The following PRKG1 variants were observed in gnomAD, a reference collection of about 807,000 sequenced individuals.
PRKG1 encodes the protein protein kinase cGMP-dependent 1, also known as cGMP-dependent protein kinase 1.
In PRKG1, 35 loss-of-function variants were observed where a neutral mutation model predicts 88.1. The observed-to-expected ratio is 0.40, with a 90% CI of 0.30 to 0.53. PRKG1 has a LOEUF of 0.53. Ranked by LOEUF, PRKG1 falls within the 20% of genes least tolerant of loss-of-function variation. The pLI, the probability that PRKG1 is intolerant of heterozygous loss-of-function variation, is 0.59. For missense variants in PRKG1, 540 were observed against 839.8 expected (o/e 0.64, Z 4.41); for synonymous variants, 303 against 292.5 (o/e 1.04, Z -0.37).
intron 3 of PRKG1, among the ~76,000 whole-genome samples, chr10:51,771,701 C>G (rs577737237): frequency 6.6e-6 from 1 of 152,062 alleles, no homozygotes; most frequent in Non-Finnish European, 1.5e-5. Flanking sequence ...GTGTATAGGG[C>G]AGTAAGAGGA....
chr10:51,536,468 T>C (rs775696907), intron 3 of PRKG1, among the ~76,000 whole-genome samples: 3 of 152,152 alleles, frequency 2.0e-5, no homozygotes, highest in Non-Finnish European at 2.9e-5. Context: ...CAAATATATT[T>C]TCCCATTCTG....
chr10:51,481,254 TTCTG>T (rs1363339114), intron 3 of PRKG1, among the ~76,000 whole-genome samples: 4 of 144,100 alleles, frequency 2.8e-5, no homozygotes, highest in African/African-American at 1.0e-4. Flanking sequence ...CTCTGTCTCT[TTCTG>T]TCTTTCTTTC....
chr10:51,655,725 C>G (rs987335012), intron 3 of PRKG1, among the ~76,000 whole-genome samples: 22 of 152,128 alleles, frequency 1.4e-4, no homozygotes, highest in Non-Finnish European at 3.1e-4. Context: ...CTTTCAACTA[C>G]TTAGTGATAA....
chr10:51,294,137 A>G (rs10996627), intron 2 of PRKG1, among the ~76,000 whole-genome samples: 36,237 of 151,874 alleles, frequency 0.24, 4,363 homozygotes, highest in Admixed American at 0.37. Flanking sequence ...TCAGGTATAT[A>G]GATTGCCAAT....
chr10:51,304,666 A>G (rs1840987340), intron 2 of PRKG1, among the ~76,000 whole-genome samples: 1 of 118,410 alleles, frequency 8.4e-6, no homozygotes, highest in Admixed American at 1.2e-4. Context: ...CCAGAGTGTG[A>G]TGTTCCCCTT....
chr10:51,283,808 C>G (rs186451412), intron 2 of PRKG1, among the ~76,000 whole-genome samples: 1 of 152,276 alleles, frequency 6.6e-6, no homozygotes, highest in Admixed American at 6.5e-5. Flanking sequence ...ATTTACCACA[C>G]TCTGTTATGA....
chr10:51,316,984 A>G (rs540818725), intron 2 of PRKG1, among the ~76,000 whole-genome samples: 1 of 152,246 alleles, frequency 6.6e-6, no homozygotes, highest in South Asian at 2.1e-4. Context: ...CTTCCCACAC[A>G]CAATCTGCAG....
chr10:51,874,385 A>G (rs1564687525), intron 4 of PRKG1, among the ~76,000 whole-genome samples: 1 of 152,258 alleles, frequency 6.6e-6, no homozygotes, highest in Non-Finnish European at 1.5e-5. Context: ...ACAAGAGAGC[A>G]TGAAAGCCGA....
At chr10:52,217,451 G>A (rs919452101) in intron 9 of PRKG1, among the ~76,000 whole-genome samples, 1 of 151,804 alleles carries the variant, frequency 6.6e-6, no homozygotes, top group Admixed American at 6.6e-5. Flanking sequence ...TCATAGTCTA[G>A]GAACTAAAGC....
chr10:51,224,419 T>C (rs1838634650), intron 2 of PRKG1, among the ~76,000 whole-genome samples: 1 of 152,256 alleles, frequency 6.6e-6, no homozygotes, highest in Non-Finnish European at 1.5e-5. Flanking sequence ...TGTCATTGTC[T>C]AGCAATGAAT....
At chr10:51,901,205 A>G (rs1841971951) in intron 4 of PRKG1, among the ~76,000 whole-genome samples, 1 of 152,186 alleles carries the variant, frequency 6.6e-6, no homozygotes, top group Admixed American at 6.5e-5. Flanking sequence ...AAGTTATTCA[A>G]CACTGAATAG....
intron 10 of PRKG1, among the ~76,000 whole-genome samples, chr10:52,267,085 A>G (rs1436108609): frequency 6.6e-6 from 1 of 152,070 alleles, no homozygotes; most frequent in Non-Finnish European, 1.5e-5. Context: ...TTAAATGGAC[A>G]CAAGTGGACT....
chr10:51,654,358 G>A (rs1384489772), intron 3 of PRKG1, among the ~76,000 whole-genome samples: 1 of 152,056 alleles, frequency 6.6e-6, no homozygotes, highest in Non-Finnish European at 1.5e-5. Context: ...TTAGTTCTGA[G>A]CTCTCGATTC....
At chr10:52,014,708 C>A (rs1844990598) in intron 5 of PRKG1, among the ~76,000 whole-genome samples, 1 of 152,206 alleles carries the variant, frequency 6.6e-6, no homozygotes, top group African/African-American at 2.4e-5. Context: ...AAAAAACAAG[C>A]TAGTTACTCC....
At chr10:51,292,803 C>A (rs1388830528) in intron 2 of PRKG1, among the ~76,000 whole-genome samples, 1 of 152,118 alleles carries the variant, frequency 6.6e-6, no homozygotes, top group East Asian at 1.9e-4. Flanking sequence ...CGTTTTAGCA[C>A]CTATACTATT....
intron 5 of PRKG1, among the ~76,000 whole-genome samples, chr10:51,916,484 C>T (rs1316966677): frequency 6.6e-6 from 1 of 152,192 alleles, no homozygotes; most frequent in Non-Finnish European, 1.5e-5. Flanking sequence ...ACCAGCAGCC[C>T]TGGGGGCTGC....
chr10:51,578,164 A>G (rs1285322814), intron 3 of PRKG1, among the ~76,000 whole-genome samples: 1 of 152,078 alleles, frequency 6.6e-6, no homozygotes, highest in Non-Finnish European at 1.5e-5. Flanking sequence ...CAATTTCATG[A>G]TAAGTCCTAA....
chr10:51,573,175 C>T (rs1007618117), intron 3 of PRKG1, among the ~76,000 whole-genome samples: 2 of 151,686 alleles, frequency 1.3e-5, no homozygotes. Context: ...TGTCTTGCAT[C>T]CAGATTAACA....
chr10:51,108,178 G>T (rs1245870342), intron 1 of PRKG1, among the ~76,000 whole-genome samples: 1 of 152,006 alleles, frequency 6.6e-6, no homozygotes, highest in African/African-American at 2.4e-5. Context: ...AACATTCAAA[G>T]AAGAAACAAT....
Sources: gnomAD v4.1 joint callset for allele counts (sites outside exome capture counted in the v4.1 genomes callset) on GRCh38, gnomAD v4.1.1 for gene constraint, MANE v1.5 for transcripts, NCBI Gene and HGNC (gene_info 2026-07-23, HGNC 2026-07-21) for gene names.